The following FAM163B variants were observed in gnomAD, a reference collection of about 807,000 sequenced individuals.
FAM163B encodes family with sequence similarity 163 member B.
In FAM163B, 4 loss-of-function variants were observed where a neutral mutation model predicts 7.6. The ratio of observed to expected loss-of-function variants is 0.52; its 90% CI spans 0.26 to 1.20. The LOEUF (loss-of-function observed/expected upper bound fraction) is 1.20, where lower values mean the gene tolerates loss of function less well. Among genes scored for constraint, FAM163B ranks in the 50% most tolerant of loss-of-function variants. The probability of loss-of-function intolerance (pLI) is 0.14; values close to 1 mark genes in which losing one functional copy is unlikely to be tolerated. For synonymous variants in FAM163B, 120 were observed against 111.6 expected (o/e 1.07, Z -0.47); for missense variants, 250 against 243.0 (o/e 1.03, Z -0.19).
At chr9:133,585,515 G>A (rs1056422189) in intron 1 of FAM163B, among the ~76,000 whole-genome samples, 17 of 152,344 alleles carry the variant, frequency 1.1e-4, no homozygotes, top group South Asian at 2.1e-4. Context: ...CCCAGGCGAC[G>A]CTTAATGAAG....
At chr9:133,583,242 A>C (rs1831382515) in intron 1 of FAM163B, among the ~76,000 whole-genome samples, 1 of 152,298 alleles carries the variant, frequency 6.6e-6, no homozygotes, top group African/African-American at 2.4e-5. Flanking sequence ...AATGGGGGCC[A>C]CTGCTTTCCC....
chr9:133,588,040 A>G (rs1206493767), intron 1 of FAM163B, among the ~76,000 whole-genome samples: 2 of 152,118 alleles, frequency 1.3e-5, no homozygotes, highest in African/African-American at 4.8e-5. Context: ...CACTGCTGCT[A>G]TCTGCCCAGG....
intron 1 of FAM163B, among the ~76,000 whole-genome samples, chr9:133,594,341 A>C (rs3025315): frequency 0.011 from 1,624 of 152,292 alleles, 22 homozygotes; most frequent in African/African-American, 0.033. Context: ...AATGCCCTTT[A>C]GACTTGTCTG....
chr9:133,591,148 A>G (rs1323023129), intron 1 of FAM163B, among the ~76,000 whole-genome samples: 1 of 152,172 alleles, frequency 6.6e-6, no homozygotes, highest in Non-Finnish European at 1.5e-5. Context: ...TTGCACTGCC[A>G]TGACCACCCT....
Position 133,583,141 on chromosome 9 carries a change from T to C in FAM163B, c.-23-2895A>G, listed in dbSNP as rs917998340. ...AGGGAGGTGGAGGCTCGTGCCCGAG[T>C]GTTGTCTGTGGTCATGCAGGGATTA... On this transcript the variant is annotated intron_variant, in intron 1 of 2. Coordinates refer to ENST00000673969, the MANE Select transcript of FAM163B (RefSeq NM_001080515.3). 7.8e-3 allele frequency among the ~76,000 whole-genome samples: 1,189 copies of C among 151,916 alleles called. 16 individuals are homozygous for C. The highest frequency in any genetic ancestry group is 0.027 in the African/African-American group (1,122 of 41,366).
chr9:133,581,298 T>C (rs1270469655), intron 1 of FAM163B, among the ~76,000 whole-genome samples: 3 of 152,218 alleles, frequency 2.0e-5, no homozygotes, highest in Non-Finnish European at 4.4e-5. Context: ...AATTCCTAAA[T>C]TCTTCACAAT....
chr9:133,600,047 ATG>A lies in FAM163B; in HGVS notation c.-24+9028_-24+9029del, dbSNP rs749324879. Among the ~76,000 whole-genome samples, 3 of 112,358 alleles carry A rather than the reference ATG, an allele frequency of 2.7e-5. No individual in the cohort carries two copies. The highest frequency in any genetic ancestry group is 5.4e-5 in the Non-Finnish European group (3 of 55,168). 73.7% of individuals were successfully genotyped at this position (112,358 alleles called of 152,430 possible). A position where few individuals can be genotyped will look rare whatever the true frequency, so the allele number is the denominator to read the frequency against. On this transcript the variant is annotated intron_variant, in intron 1 of 2. Transcript: ENST00000673969. This position sits in a 1 kb window ranked among gnomAD's most constrained non-coding sequence, Gnocchi z 4.9. The stretch of plus-strand genomic sequence containing the variant: ...GTGCATGTATGTGTGGTCTGTGTGG[ATG>A]TGTGTGAGTTTGTGTGTGCATGTGT...
Position 133,601,240 on chromosome 9 carries a change from C to T in FAM163B, c.-24+7837G>A, listed in dbSNP as rs899995727. Among the ~76,000 whole-genome samples the T allele has an allele frequency of 6.6e-6, 1 of 152,180 alleles. No individual in the cohort carries two copies. Among genetic ancestry groups the T allele is most frequent in the Non-Finnish European group, 1.5e-5 (1 of 68,030 alleles). On this transcript the variant is annotated intron_variant, in intron 1 of 2. Transcript: ENST00000673969. The surrounding 1 kb of genome is among the most constrained non-coding windows in gnomAD (Gnocchi z 4.1). ...TCTGGGCAGGGCGCGCCTTTGGAGC[C>T]GACTCAGTGATTCTATTATAACTTG...
At chr9:133,597,843 A>G (rs970487748) in intron 1 of FAM163B, among the ~76,000 whole-genome samples, 2 of 148,288 alleles carry the variant, frequency 1.3e-5, no homozygotes, top group Admixed American at 1.3e-4. Flanking sequence ...TTCGAGTGCT[A>G]AAAAAAAAGA....
At position 133,579,207 on chromosome 9, in the gene FAM163B, C is replaced by G. The variant is rs1365512580; in HGVS notation, c.316G>C (p.Glu106Gln). 6.2e-7 allele frequency: 1 copy of G among 1,612,164 alleles called. No homozygotes were observed. Among genetic ancestry groups the G allele is most frequent in the Non-Finnish European group, 8.5e-7 (1 of 1,179,788 alleles). Residue 106 changes from glutamate (E) to glutamine (Q), a missense_variant, in exon 3 of 3, where the codon GAG becomes CAG. Transcript: ENST00000673969. ...HCEPPTFFLQEPPEEEEDVLN... is the reference protein window; with the variant it reads ...HCEPPTFFLQQPPEEEEDVLN... ...ACGTCCTCTTCCTCCTCCGGCGGCT[C>G]CTGCAGGAAGAAGGTGGGGGGCTCG...
intron 1 of FAM163B, among the ~76,000 whole-genome samples, chr9:133,584,987 G>A (rs2131224569): frequency 1.3e-5 from 2 of 152,346 alleles, no homozygotes; most frequent in East Asian, 3.9e-4. Flanking sequence ...CTTTATAAAT[G>A]GCTTTGCTTC....
chr9:133,586,824 C>T (rs1158955613), intron 1 of FAM163B, among the ~76,000 whole-genome samples: 1 of 152,176 alleles, frequency 6.6e-6, no homozygotes, highest in Admixed American at 6.5e-5. Flanking sequence ...CCAACCATGT[C>T]AGGGGTTGTA....
rs1831276635 is a variant in FAM163B, at chr9:133,577,883, G to A, written c.*1139C>T. On this transcript the variant is annotated 3_prime_UTR_variant, in exon 3 of 3. Transcript: ENST00000673969. ...CCTCAGCCTGGGTGGGCGCTTGGTGGAAAGTGGGCTCAGATGAGGTCTTCA... is the reference window on the plus strand; with the variant it reads ...CCTCAGCCTGGGTGGGCGCTTGGTGAAAAGTGGGCTCAGATGAGGTCTTCA... Among the ~76,000 whole-genome samples the A allele has an allele frequency of 6.6e-6, 1 of 152,202 alleles. No individual in the cohort carries two copies. Among genetic ancestry groups the A allele is most frequent in the Admixed American group, 6.5e-5 (1 of 15,276 alleles).
chr9:133,579,503 C>T, intron 2 of FAM163B, 74 bp from the exon 3 acceptor site: 2 of 1,483,076 alleles, frequency 1.3e-6, no homozygotes, highest in Non-Finnish European at 1.8e-6. Flanking sequence ...AAGGCTACCC[C>T]TGACTGGGGA....
rs1450770302 is a variant in FAM163B at position 133,577,475 on chromosome 9, G to A, written c.*1547C>T. 6.6e-6 allele frequency among the ~76,000 whole-genome samples: 1 copy of A among 152,224 alleles called. No individual in the cohort carries two copies. The highest frequency in any genetic ancestry group is 1.5e-5 in the Non-Finnish European group (1 of 68,042). The stretch of plus-strand genomic sequence containing the variant: ...TTGAGAACATAACGATTGTGACTTC[G>A]TCAGCCGTTCCCCCGACGCCTCTGG... On this transcript the variant is annotated 3_prime_UTR_variant, in exon 3 of 3. Coordinates refer to ENST00000673969, the MANE Select transcript of FAM163B (RefSeq NM_001080515.3).
chr9:133,594,952 G>A (rs754729061), intron 1 of FAM163B, among the ~76,000 whole-genome samples: 12 of 152,112 alleles, frequency 7.9e-5, no homozygotes, highest in Admixed American at 5.9e-4. Context: ...CAAGAGGGGC[G>A]AGGTCAGCAG....
At chr9:133,589,689 C>T (rs1831507531) in intron 1 of FAM163B, among the ~76,000 whole-genome samples, 20 of 152,122 alleles carry the variant, frequency 1.3e-4, no homozygotes, top group Admixed American at 1.3e-3. Context: ...GCGGCCCACA[C>T]TTGCACCGCA....
At chr9:133,579,525 C>T in intron 2 of FAM163B, 96 bp from the exon 3 acceptor site, 1 of 1,448,866 alleles carries the variant, frequency 6.9e-7, no homozygotes, top group Non-Finnish European at 9.2e-7. Flanking sequence ...GGGAGATAGG[C>T]ACGGTGGGAG....
intron 1 of FAM163B, among the ~76,000 whole-genome samples, chr9:133,582,044 G>T (rs1398371864): frequency 1.3e-5 from 2 of 152,150 alleles, no homozygotes; most frequent in South Asian, 2.1e-4. Flanking sequence ...CATCTGTGTG[G>T]TTACCCTAGC....
Sources: allele counts gnomAD v4.1 joint callset (sites outside exome capture counted in the v4.1 genomes callset), GRCh38; gene constraint gnomAD v4.1.1; non-coding constraint Gnocchi (gnomAD v3.1); transcripts MANE v1.5; gene names NCBI Gene and HGNC (gene_info 2026-07-23, HGNC 2026-07-21).